The following USP15 variants were observed in gnomAD, a reference collection of about 807,000 sequenced individuals.
USP15 encodes ubiquitin specific peptidase 15.
A neutral mutation model predicts 127.1 loss-of-function variants in USP15; 18 were observed. The ratio of observed to expected loss-of-function variants is 0.14; its 90% CI spans 0.10 to 0.21. USP15 has a LOEUF of 0.21. USP15 is among the 10% of genes least tolerant of loss of function. The probability of loss-of-function intolerance (pLI) is 1.00; values close to 1 mark genes in which losing one functional copy is unlikely to be tolerated. For synonymous variants in USP15, 364 were observed against 393.7 expected, an observed-to-expected ratio of 0.92 and a Z score of 0.89; for missense variants, 805 against 1,159.9, an observed-to-expected ratio of 0.69 and a Z score of 4.44.
intron 6 of USP15, among the ~76,000 whole-genome samples, chr12:62,332,942 ACTT>A (rs2065348503): frequency 6.6e-6 from 1 of 152,122 alleles, no homozygotes; most frequent in African/African-American, 2.4e-5. Flanking sequence ...ATTGCATACT[ACTT>A]TTTTGGTTGA....
chr12:62,336,281 T>C, intron 6 of USP15: 1 of 985,468 alleles, frequency 1.0e-6, no homozygotes, highest in Non-Finnish European at 1.2e-6. Context: ...ATAAATTTCA[T>C]GTAGGACTCA....
intron 6 of USP15, among the ~76,000 whole-genome samples, chr12:62,339,980 C>T (rs2065598100): frequency 6.6e-6 from 1 of 152,088 alleles, no homozygotes; most frequent in African/African-American, 2.4e-5. Context: ...CTCTTTGTAC[C>T]TCTGGTACAA....
In USP15 at chr12:62,408,048, T is replaced by C. The variant is rs940417080; in HGVS notation, c.*3673T>C. The C allele has an allele frequency of 2.0e-5, 3 of 152,108 alleles. No individual in the cohort carries two copies. The highest frequency in any genetic ancestry group is 2.0e-4 in the Admixed American group (3 of 15,258). 9.4% of individuals were successfully genotyped at this position (152,108 alleles called of 1,614,324 possible). On this transcript the variant is annotated 3_prime_UTR_variant, in exon 22 of 22. Transcript: ENST00000280377. The stretch of plus-strand genomic sequence containing the variant: ...CAAAGAAAATCAGTAAGTACCAAAA[T>C]AGATACAACATAAAGGTGGTGGGGT...
chr12:62,395,707 AT>A (rs1209841543), intron 19 of USP15, among the ~76,000 whole-genome samples: 2 of 149,348 alleles, frequency 1.3e-5, no homozygotes, highest in African/African-American at 2.5e-5. Flanking sequence ...TATGAGCTCA[AT>A]TTTTTTTTAT....
intron 14 of USP15, 120 bp from the exon 15 acceptor site, chr12:62,390,744 A>G (rs550058438): frequency 3.2e-5 from 18 of 558,554 alleles, no homozygotes; most frequent in African/African-American, 3.1e-4. Context: ...TTATCTTTGA[A>G]TCTACTAAGT....
At chr12:62,300,013 A>G (rs1264312336) in intron 2 of USP15, among the ~76,000 whole-genome samples, 1 of 151,828 alleles carries the variant, frequency 6.6e-6, no homozygotes, top group Non-Finnish European at 1.5e-5. Context: ...TTGTCTTTTT[A>G]TTGTTGTATT....
At chr12:62,395,694 G>A (rs770714729) in intron 19 of USP15, among the ~76,000 whole-genome samples, 2 of 150,846 alleles carry the variant, frequency 1.3e-5, no homozygotes, top group Non-Finnish European at 3.0e-5. Context: ...TACTCTGTCT[G>A]TCTATGAGCT....
intron 15 of USP15, 52 bp from the exon 16 acceptor site, chr12:62,391,104 AT>A: frequency 2.0e-6 from 3 of 1,525,438 alleles, no homozygotes; most frequent in Non-Finnish European, 2.6e-6. Flanking sequence ...AATATTAATA[AT>A]TTAAAAATAT....
intron 8 of USP15, 104 bp from the exon 9 acceptor site, chr12:62,381,386 T>C (rs1310248580): frequency 6.2e-6 from 6 of 966,304 alleles, no homozygotes; most frequent in Non-Finnish European, 8.7e-6. Context: ...TTAAATGTTC[T>C]CTGTGTTATA....
At chr12:62,398,534 CTT>C (rs1363889104) in intron 20 of USP15, among the ~76,000 whole-genome samples, 8 of 152,076 alleles carry the variant, frequency 5.3e-5, no homozygotes, top group Non-Finnish European at 1.2e-4. Context: ...TTTTAATTTC[CTT>C]TATGATTTCC....
intron 3 of USP15, chr12:62,314,128 T>A: frequency 1.9e-6 from 1 of 525,116 alleles, no homozygotes; most frequent in Non-Finnish European, 2.4e-6. Context: ...AGCTTTCTTT[T>A]AATTGCTGCA....
intron 8 of USP15, among the ~76,000 whole-genome samples, chr12:62,356,195 T>G: frequency 6.6e-6 from 1 of 151,884 alleles, no homozygotes; most frequent in Non-Finnish European, 1.5e-5. Context: ...ATATTTGAAT[T>G]TTAACCTTTT....
At position 62,391,863 on chromosome 12, in the gene USP15, T is replaced by C. The variant is rs1270196623; in HGVS notation, c.2281T>C (p.Tyr761His). 1 of 1,610,414 alleles carries C rather than the reference T, an allele frequency of 6.2e-7. No individual in the cohort carries two copies. Among genetic ancestry groups the C allele is most frequent in the South Asian group, 1.1e-5 (1 of 90,572 alleles). Residue 761 changes from tyrosine (Y) to histidine (H), a missense_variant, in exon 17 of 22, where the codon TAT becomes CAT. By Grantham distance (83) the Tyr-to-His change is moderately conservative. This residue lies in a region of USP15 where 225 missense variants were observed against 239.5 expected (regional missense o/e 0.94). Transcript: ENST00000280377. ...LDWDPDLKKRYFDENAAEDFE... is the reference protein window; with the variant it reads ...LDWDPDLKKRHFDENAAEDFE... ...TTGGGATCCTGATTTGAAAAAAAGA[T>C]ATTTTGATGAAAATGCTGCTGAGGT... is the stretch of plus-strand genomic sequence containing the variant.
intron 3 of USP15, chr12:62,312,237 T>C: frequency 3.4e-6 from 1 of 297,370 alleles, no homozygotes; most frequent in Non-Finnish European, 7.0e-6. Context: ...ATTGTTTATA[T>C]AGTACTAGAT....
chr12:62,390,012 T>C, intron 14 of USP15, 24 bp downstream of exon 14: 1 of 1,537,974 alleles, frequency 6.5e-7, no homozygotes, highest in Non-Finnish European at 8.8e-7. Flanking sequence ...AATTCTACAT[T>C]GACAAAATAA....
At chr12:62,279,248 G>C (rs2063581690) in intron 1 of USP15, 1 of 152,166 alleles carries the variant, frequency 6.6e-6, no homozygotes, top group African/African-American at 2.4e-5. Context: ...AATCATGCAG[G>C]ATTTGTCTTT....
chr12:62,385,062 G>T (rs781490459), intron 11 of USP15, among the ~76,000 whole-genome samples: 1 of 151,622 alleles, frequency 6.6e-6, no homozygotes, highest in Non-Finnish European at 1.5e-5. Flanking sequence ...AACTAATTTT[G>T]TTATAACTTT....
chr12:62,368,176 G>A (rs946495261), intron 8 of USP15, among the ~76,000 whole-genome samples: 3 of 152,132 alleles, frequency 2.0e-5, no homozygotes, highest in Admixed American at 2.0e-4. Context: ...CTGAGAGACT[G>A]TTTGTTATGA....
chr12:62,357,963 A>G (rs2066188558), intron 8 of USP15, among the ~76,000 whole-genome samples: 1 of 152,056 alleles, frequency 6.6e-6, no homozygotes, highest in Non-Finnish European at 1.5e-5. Context: ...GTCAGATACT[A>G]TTTCTTCAGT....
Sources: allele counts gnomAD v4.1 joint callset (sites outside exome capture counted in the v4.1 genomes callset), GRCh38; gene constraint gnomAD v4.1.1; regional missense constraint gnomAD v4.1.1; transcripts MANE v1.5; gene names NCBI Gene and HGNC (gene_info 2026-07-23, HGNC 2026-07-21).